The following RNF180 variants were observed in gnomAD, a reference collection of about 807,000 sequenced individuals.
The protein encoded by RNF180 is ring finger protein 180, also known as E3 ubiquitin-protein ligase RNF180.
Under a neutral mutation model 59.2 loss-of-function variants are expected in RNF180, and 38 were observed. The observed-to-expected ratio is 0.64, with a 90% CI of 0.50 to 0.84. The LOEUF (loss-of-function observed/expected upper bound fraction) is 0.84. Ranked by LOEUF, RNF180 falls within the 40% of genes least tolerant of loss-of-function variation. The pLI is 0.00. For synonymous variants in RNF180, 262 were observed against 240.3 expected (o/e 1.09, Z -0.84); for missense variants, 705 against 700.9 (o/e 1.01, Z -0.07).
intron 5 of RNF180, among the ~76,000 whole-genome samples, chr5:64,283,453 G>A (rs1490975311): frequency 1.3e-5 from 2 of 151,726 alleles, no homozygotes; most frequent in African/African-American, 4.8e-5. Context: ...TTCTAATTAG[G>A]GCATTTAGCT....
At position 64,283,403 on chromosome 5, in the gene RNF180, G is replaced by T. The variant is rs1242715597; in HGVS notation, c.1228-41783G>T. Among the ~76,000 whole-genome samples, 4 of 152,176 alleles carry T rather than the reference G, an allele frequency of 2.6e-5. No homozygotes were observed. In the East Asian group the frequency reaches 7.7e-4, roughly 29 times the overall value. The stretch of plus-strand genomic sequence containing the variant: ...ATGGGTCTCTTGAAGACAGCATACA[G>T]TTGGGTCTTGCTTCTTTATCTAGTT... On this transcript the variant is annotated intron_variant, in intron 5 of 7. Transcript: ENST00000389100.
At chr5:64,355,450 A>G (rs966339485) in intron 7 of RNF180, among the ~76,000 whole-genome samples, 4 of 151,990 alleles carry the variant, frequency 2.6e-5, no homozygotes, top group African/African-American at 9.7e-5. Flanking sequence ...GTGTTGATGC[A>G]TTAGAAGATT....
intron 5 of RNF180, among the ~76,000 whole-genome samples, chr5:64,279,903 G>T (rs1741921393): frequency 6.6e-6 from 1 of 152,220 alleles, no homozygotes; most frequent in Middle Eastern, 3.4e-3. Context: ...GACCAGCCTG[G>T]CCAACATGGT....
At chr5:64,169,196 C>G (rs1749809013) in intron 1 of RNF180, among the ~76,000 whole-genome samples, 1 of 152,176 alleles carries the variant, frequency 6.6e-6, no homozygotes, top group Non-Finnish European at 1.5e-5. Context: ...GGTTTGATCT[C>G]TTCGGGCCTA....
At position 64,309,043 on chromosome 5, in the gene RNF180, G is replaced by C. The variant is rs202129636; in HGVS notation, c.1228-16143G>C. ...ACCCTCCTTCCAGCCTAATCCAGAT[G>C]CCAATCTCCACGTAATCAAAAAGTC... is the stretch of plus-strand genomic sequence containing the variant. On this transcript the variant is annotated intron_variant, in intron 5 of 7. Coordinates refer to ENST00000389100, the MANE Select transcript of RNF180 (RefSeq NM_001113561.2). Among the ~76,000 whole-genome samples, 8 of 151,622 alleles carry C rather than the reference G, an allele frequency of 5.3e-5. No homozygotes were observed. In the East Asian group the frequency reaches 1.6e-3, roughly 29 times the overall value.
At chr5:64,200,047 A>G (rs1000247674) in intron 1 of RNF180, among the ~76,000 whole-genome samples, 13 of 152,204 alleles carry the variant, frequency 8.5e-5, no homozygotes, top group African/African-American at 2.9e-4. Context: ...AGAATTAACA[A>G]CTCAGTAAAT....
chr5:64,276,452 A>C (rs1561233499), intron 5 of RNF180, among the ~76,000 whole-genome samples: 2 of 151,904 alleles, frequency 1.3e-5, no homozygotes, highest in Non-Finnish European at 2.9e-5. Flanking sequence ...AAAGAGGCCC[A>C]AGAGATTTAG....
chr5:64,178,218 A>AG (rs1488151280), intron 1 of RNF180, among the ~76,000 whole-genome samples: 2 of 151,734 alleles, frequency 1.3e-5, no homozygotes, highest in African/African-American at 4.8e-5. Context: ...AAAAAAAAAA[A>AG]AAAAGAAAAG....
chr5:64,290,107 A>G (rs1742495206), intron 5 of RNF180, among the ~76,000 whole-genome samples: 1 of 152,164 alleles, frequency 6.6e-6, no homozygotes, highest in African/African-American at 2.4e-5. Flanking sequence ...AGTTTCAAAG[A>G]ACTTTTTGAT....
intron 5 of RNF180, chr5:64,217,634 T>A: frequency 2.0e-6 from 1 of 508,310 alleles, no homozygotes; most frequent in Non-Finnish European, 2.9e-6. Context: ...TACATTTGTA[T>A]ATATTCTTTA....
At chr5:64,290,325 T>C (rs1302776682) in intron 5 of RNF180, among the ~76,000 whole-genome samples, 2 of 152,232 alleles carry the variant, frequency 1.3e-5, no homozygotes, top group African/African-American at 4.8e-5. Flanking sequence ...GTAAGTGCCA[T>C]GTGGCGATGA....
At chr5:64,315,271 T>G (rs1370236270) in intron 5 of RNF180, among the ~76,000 whole-genome samples, 1 of 152,212 alleles carries the variant, frequency 6.6e-6, no homozygotes, top group Non-Finnish European at 1.5e-5. Flanking sequence ...TTTTATCATT[T>G]TGATTGGCAG....
At chr5:64,310,527 A>G (rs2112479624) in intron 5 of RNF180, among the ~76,000 whole-genome samples, 1 of 151,984 alleles carries the variant, frequency 6.6e-6, no homozygotes, top group African/African-American at 2.4e-5. Context: ...AAAAAAAAAA[A>G]AAAGAAACCC....
intron 3 of RNF180, among the ~76,000 whole-genome samples, 192 bp downstream of exon 3, chr5:64,212,352 A>G (rs1752356799): frequency 6.6e-6 from 1 of 151,982 alleles, no homozygotes; most frequent in African/African-American, 2.4e-5. Flanking sequence ...ACGCACACAC[A>G]CACACATGCA....
At chr5:64,214,554 TTA>T (rs771658761) in intron 4 of RNF180, 37 bp downstream of exon 4, 28 of 1,567,298 alleles carry the variant, frequency 1.8e-5, no homozygotes, top group Non-Finnish European at 4.3e-6. Flanking sequence ...AAAATCTGTA[TTA>T]TAAATACTGG....
chr5:64,228,691 A>T (rs755205978), intron 5 of RNF180, among the ~76,000 whole-genome samples: 1 of 152,136 alleles, frequency 6.6e-6, no homozygotes, highest in Non-Finnish European at 1.5e-5. Context: ...AAAAATCATT[A>T]TAAGTCATTA....
intron 7 of RNF180, among the ~76,000 whole-genome samples, chr5:64,331,254 G>A (rs1744894564): frequency 6.6e-6 from 1 of 152,204 alleles, no homozygotes; most frequent in Non-Finnish European, 1.5e-5. Context: ...GCAGGTTGAT[G>A]GTGGCAGGAG....
At chr5:64,324,121 G>T (rs945619379) in intron 5 of RNF180, among the ~76,000 whole-genome samples, 3 of 152,172 alleles carry the variant, frequency 2.0e-5, no homozygotes, top group African/African-American at 7.2e-5. Context: ...GATCACAAAA[G>T]CATCACCAAA....
At chr5:64,322,135 G>A (rs571844819) in intron 5 of RNF180, among the ~76,000 whole-genome samples, 298 of 152,178 alleles carry the variant, frequency 2.0e-3, no homozygotes, top group Non-Finnish European at 3.8e-3. Context: ...AAGCAATTGC[G>A]ACAAAGGCTA....
Sources: gnomAD v4.1 joint callset for allele counts (sites outside exome capture counted in the v4.1 genomes callset) on GRCh38, gnomAD v4.1.1 for gene constraint, MANE v1.5 for transcripts, NCBI Gene and HGNC (gene_info 2026-07-23, HGNC 2026-07-21) for gene names.